XKR9: variants seen among roughly 807,000 people sequenced by gnomAD.
XKR9 encodes the protein XK-related protein 9.
A neutral mutation model predicts 32.0 loss-of-function variants in XKR9; 32 were observed. The ratio of observed to expected loss-of-function variants is 1.00; its 90% CI spans 0.76 to 1.34. The LOEUF (loss-of-function observed/expected upper bound fraction) is 1.34, where lower values mean the gene tolerates loss of function less well. XKR9 is among the 40% of genes most tolerant of loss of function. The pLI, the probability that XKR9 is intolerant of heterozygous loss-of-function variation, is 0.00. For synonymous variants in XKR9, 168 were observed against 143.4 expected, an observed-to-expected ratio of 1.17 and a Z score of -1.22; for missense variants, 546 against 429.7, an observed-to-expected ratio of 1.27 and a Z score of -2.39.
At chr8:70,833,971 C>A in the XKR9 span, among the ~76,000 whole-genome samples, 10 of 152,134 alleles carry the variant, frequency 6.6e-5, 1 homozygote, top group South Asian at 1.5e-3. Flanking sequence ...TTCAGATATA[C>A]AAAAATACGT....
At chr8:70,702,148 G>A (rs929745962) in intron 3 of XKR9, among the ~76,000 whole-genome samples, 1 of 152,036 alleles carries the variant, frequency 6.6e-6, no homozygotes, top group South Asian at 2.1e-4. Context: ...CTTAGAGAGA[G>A]GTCATGTAGT....
the XKR9 span, among the ~76,000 whole-genome samples, chr8:71,021,265 G>T: frequency 1.3e-5 from 2 of 152,088 alleles, no homozygotes; most frequent in Non-Finnish European, 2.9e-5. Context: ...CAACACTGGG[G>T]ATCATGATTA....
chr8:70,685,134 G>A (rs1425228337), intron 3 of XKR9, among the ~76,000 whole-genome samples: 2 of 151,888 alleles, frequency 1.3e-5, no homozygotes, highest in African/African-American at 2.4e-5. Context: ...AGAAAATGTG[G>A]CACATATACA....
chr8:70,702,307 C>T (rs1245151843), intron 3 of XKR9, among the ~76,000 whole-genome samples: 1 of 152,050 alleles, frequency 6.6e-6, no homozygotes, highest in South Asian at 2.1e-4. Flanking sequence ...GGATTACAGT[C>T]TTTTTGCCTT....
chr8:70,765,333 C>T (rs1392817599), intron 2 of XKR9, among the ~76,000 whole-genome samples: 1 of 152,150 alleles, frequency 6.6e-6, no homozygotes, highest in Non-Finnish European at 1.5e-5. Context: ...TTGCATTTCT[C>T]TAATGACCAG....
At chr8:70,822,430 G>A in the XKR9 span, among the ~76,000 whole-genome samples, 2 of 151,814 alleles carry the variant, frequency 1.3e-5, no homozygotes, top group Non-Finnish European at 2.9e-5. Context: ...AGTAATACAT[G>A]TGGTCAAGCA....
the XKR9 span, among the ~76,000 whole-genome samples, chr8:70,952,458 GC>G: frequency 6.6e-6 from 1 of 151,974 alleles, no homozygotes; most frequent in Non-Finnish European, 1.5e-5. Flanking sequence ...TGTCCTCTCT[GC>G]CTCCTTTTCC....
At chr8:70,700,894 C>T (rs1805502877) in intron 3 of XKR9, among the ~76,000 whole-genome samples, 1 of 152,206 alleles carries the variant, frequency 6.6e-6, no homozygotes, top group African/African-American at 2.4e-5. Flanking sequence ...CAATGGTGGG[C>T]ACCCCTCCCC....
intron 4 of XKR9, among the ~76,000 whole-genome samples, chr8:70,720,565 T>G (rs958260501): frequency 2.6e-5 from 4 of 152,192 alleles, no homozygotes; most frequent in Non-Finnish European, 5.9e-5. Flanking sequence ...ATCATATGGT[T>G]TTTGTCATTG....
chr8:70,866,801 A>G, the XKR9 span, among the ~76,000 whole-genome samples: 7 of 152,120 alleles, frequency 4.6e-5, no homozygotes, highest in South Asian at 1.4e-3. Flanking sequence ...TATGATATCC[A>G]AAGAAATAAT....
At chr8:70,815,934 A>G in the XKR9 span, among the ~76,000 whole-genome samples, 1 of 152,156 alleles carries the variant, frequency 6.6e-6, no homozygotes, top group South Asian at 2.1e-4. Flanking sequence ...TGCCATTATG[A>G]ATAGTGCTGC....
the XKR9 span, among the ~76,000 whole-genome samples, chr8:70,859,337 G>C: frequency 6.6e-6 from 1 of 151,964 alleles, no homozygotes; most frequent in Non-Finnish European, 1.5e-5. Context: ...TTATCAAAAA[G>C]ACATTTTTGA....
chr8:70,787,781 T>A (rs1027298972), intron 2 of XKR9, among the ~76,000 whole-genome samples: 2 of 152,092 alleles, frequency 1.3e-5, no homozygotes, highest in African/African-American at 4.8e-5. Flanking sequence ...ACATGATACA[T>A]TTTGACTAGC....
the XKR9 span, among the ~76,000 whole-genome samples, chr8:70,853,081 C>T: frequency 2.1e-4 from 32 of 152,038 alleles, no homozygotes; most frequent in African/African-American, 7.5e-4. Context: ...GAATGTCATT[C>T]TATAATAATT....
chr8:70,718,158 G>T (rs568017594), intron 4 of XKR9, among the ~76,000 whole-genome samples: 1 of 152,264 alleles, frequency 6.6e-6, no homozygotes, highest in South Asian at 2.1e-4. Context: ...TCTCCAGGAA[G>T]TGTCAAACTA....
At chr8:70,910,838 A>G in the XKR9 span, among the ~76,000 whole-genome samples, 1 of 152,200 alleles carries the variant, frequency 6.6e-6, no homozygotes, top group African/African-American at 2.4e-5. Flanking sequence ...ATTCAGTTTC[A>G]TGTGCTTGTA....
the XKR9 span, among the ~76,000 whole-genome samples, chr8:70,986,310 T>G: frequency 6.6e-6 from 1 of 152,234 alleles, no homozygotes; most frequent in African/African-American, 2.4e-5. Flanking sequence ...ACTATAATTT[T>G]TATTTTCCTA....
At chr8:70,997,790 C>T in the XKR9 span, among the ~76,000 whole-genome samples, 1 of 152,098 alleles carries the variant, frequency 6.6e-6, no homozygotes, top group Non-Finnish European at 1.5e-5. Context: ...AGTAGTCTGT[C>T]TTTTACTATA....
chr8:70,739,265 C>G (rs199959112), downstream of XKR9, among the ~76,000 whole-genome samples: 1 of 152,110 alleles, frequency 6.6e-6, no homozygotes, highest in Non-Finnish European at 1.5e-5. Context: ...TTTAAAGTCT[C>G]TTTTATCAGA....
Sources: gnomAD v4.1 joint callset for allele counts (sites outside exome capture counted in the v4.1 genomes callset) on GRCh38, gnomAD v4.1.1 for gene constraint, MANE v1.5 for transcripts, NCBI Gene and HGNC (gene_info 2026-07-23, HGNC 2026-07-21) for gene names.